PPM1B: variants seen among roughly 807,000 people sequenced by gnomAD.
PPM1B encodes the protein protein phosphatase 1B.
PPM1B carries 22 observed loss-of-function variants against 43.0 expected under a neutral mutation model. The observed-to-expected ratio is 0.51, with a 90% CI of 0.37 to 0.73. The LOEUF (loss-of-function observed/expected upper bound fraction) is 0.73. Among genes scored for constraint, PPM1B ranks in the 30% least tolerant of loss-of-function variants. The probability of loss-of-function intolerance (pLI) is 0.00; values close to 1 mark genes in which losing one functional copy is unlikely to be tolerated. For missense variants in PPM1B, 632 were observed against 584.2 expected (o/e 1.08, Z -0.84); for synonymous variants, 217 against 197.9 (o/e 1.10, Z -0.81).
chr2:44,213,966 T>A (rs1298037908), intron 3 of PPM1B, among the ~76,000 whole-genome samples: 1 of 152,212 alleles, frequency 6.6e-6, no homozygotes, highest in Non-Finnish European at 1.5e-5. Context: ...AGTTTTTATT[T>A]TAGGAAGAGC....
At chr2:44,225,012 T>A (rs564870518) in intron 5 of PPM1B, among the ~76,000 whole-genome samples, 1 of 152,292 alleles carries the variant, frequency 6.6e-6, no homozygotes, top group East Asian at 1.9e-4. Context: ...TTGATGTTAA[T>A]TATACCTGTG....
chr2:44,201,064 C>G lies in PPM1B; in HGVS notation c.-14-122C>G. On this transcript the variant is annotated intron_variant, in intron 1 of 5. Coordinates refer to ENST00000282412, the MANE Select transcript of PPM1B (RefSeq NM_002706.6). The surrounding 1 kb of genome is among the most constrained non-coding windows in gnomAD (Gnocchi z 5.4). ...ATTTCTTGGGCTTTTGTTGTTGCTC[C>G]CGTAAATTAGGATAATACTAAAAAA... is the stretch of plus-strand genomic sequence containing the variant. The G allele has an allele frequency of 9.5e-7, 1 of 1,058,160 alleles. No individual in the cohort carries two copies. Among genetic ancestry groups the G allele is most frequent in the Non-Finnish European group, 1.3e-6 (1 of 766,230 alleles). The allele number at this position is 1,058,160 out of a possible 1,614,324, so 65.5% of individuals were successfully genotyped here.
At chr2:44,195,742 G>T (rs549628961) in intron 1 of PPM1B, among the ~76,000 whole-genome samples, 1 of 152,310 alleles carries the variant, frequency 6.6e-6, no homozygotes, top group Admixed American at 6.5e-5. Flanking sequence ...TGGGGTCTAC[G>T]TTCCTTTGTC....
At chr2:44,207,313 A>G (rs1174999043) in intron 2 of PPM1B, among the ~76,000 whole-genome samples, 6 of 152,196 alleles carry the variant, frequency 3.9e-5, no homozygotes, top group African/African-American at 1.4e-4. Context: ...AAAAGACTAG[A>G]AAGGGTGTGG....
At chr2:44,181,096 C>T (rs1667852156) in intron 1 of PPM1B, among the ~76,000 whole-genome samples, 1 of 152,112 alleles carries the variant, frequency 6.6e-6, no homozygotes, top group Non-Finnish European at 1.5e-5. Flanking sequence ...GGATGTGTGT[C>T]ACCATACCTG....
chr2:44,172,654 C>T (rs1280325608), intron 1 of PPM1B, among the ~76,000 whole-genome samples: 1 of 152,180 alleles, frequency 6.6e-6, no homozygotes, highest in Non-Finnish European at 1.5e-5. Flanking sequence ...AGGCCGGGCA[C>T]AGTGGCTCAC....
downstream of PPM1B, chr2:44,234,565 G>T (rs1367528198): frequency 2.0e-6 from 2 of 985,372 alleles, no homozygotes; most frequent in East Asian, 1.1e-4. Context: ...AGGGGGCAGG[G>T]TGGGGGTTAC....
At position 44,229,943 on chromosome 2, in the gene PPM1B, A is replaced by G. The variant is rs751365171; in HGVS notation, c.1135-470A>G. ...GTAAAAACTCTAAAATCTTTCAAAA[A>G]TCTGTTTAAATCTATATAGTTTTAT... On this transcript the variant is annotated intron_variant, in intron 5 of 5. Transcript: ENST00000282412. 7.7e-6 allele frequency: 11 copies of G among 1,436,404 alleles called. No homozygotes were observed. The Admixed American group carries it at 2.8e-4, about 37-fold the overall frequency. 89.0% of individuals were successfully genotyped at this position (1,436,404 alleles called of 1,614,324 possible). A position where few individuals can be genotyped will look rare whatever the true frequency, so the allele number is the denominator to read the frequency against.
At chr2:44,197,542 T>C (rs1483747120) in intron 1 of PPM1B, among the ~76,000 whole-genome samples, 2 of 152,240 alleles carry the variant, frequency 1.3e-5, no homozygotes, top group African/African-American at 4.8e-5. Flanking sequence ...TAATTCTGTT[T>C]ATCTGTGTCA....
At chr2:44,225,616 C>T (rs1419875474) in intron 5 of PPM1B, among the ~76,000 whole-genome samples, 1 of 152,108 alleles carries the variant, frequency 6.6e-6, no homozygotes, top group Non-Finnish European at 1.5e-5. Flanking sequence ...AAATCCGTGT[C>T]TACTTGATTT....
At chr2:44,208,427 G>A (rs1437504629) in intron 2 of PPM1B, among the ~76,000 whole-genome samples, 1 of 151,964 alleles carries the variant, frequency 6.6e-6, no homozygotes, top group Non-Finnish European at 1.5e-5. Context: ...ATTAATAGTT[G>A]TGGGGCTGGG....
chr2:44,233,059 A>G (rs754565143), downstream of PPM1B: 310 of 981,730 alleles, frequency 3.2e-4, no homozygotes, highest in Non-Finnish European at 3.5e-4. Flanking sequence ...ATTTATGGCT[A>G]TTTATAATTT....
In PPM1B at chr2:44,201,318, A is replaced by G; in HGVS notation, c.119A>G (p.His40Arg). ...TGGAGAGTGGAAATGGAAGATGCAC[A>G]CACAGCTGTTGTAGGTATTCCTCAC... Reference protein sequence around the residue: ...QGWRVEMEDAHTAVVGIPHGL... With the variant: ...QGWRVEMEDARTAVVGIPHGL... The change falls in exon 2 of 6, where the codon CAC (histidine) becomes CGC (arginine). Residue 40 changes from histidine (H) to arginine (R), a missense_variant. Coordinates refer to ENST00000282412, the MANE Select transcript of PPM1B (RefSeq NM_002706.6). This position sits in a 1 kb window ranked among gnomAD's most constrained non-coding sequence, Gnocchi z 5.4. The G allele has an allele frequency of 3.1e-6, 5 of 1,614,208 alleles. No individual in the cohort carries two copies. The highest frequency in any genetic ancestry group is 4.2e-6 in the Non-Finnish European group (5 of 1,180,020).
At chr2:44,244,836 T>G (rs181479547), downstream of PPM1B, among the ~76,000 whole-genome samples, 10 of 147,462 alleles carry the variant, frequency 6.8e-5, no homozygotes, top group Admixed American at 3.4e-4. Context: ...TATATATATA[T>G]ATACACACAC....
intron 5 of PPM1B, among the ~76,000 whole-genome samples, chr2:44,239,695 T>C (rs940837120): frequency 4.6e-5 from 7 of 152,220 alleles, no homozygotes; most frequent in Admixed American, 4.6e-4. Context: ...TTTAGAAGTC[T>C]ACCTCCCAAG....
chr2:44,231,400 A>G lies in PPM1B; in HGVS notation c.*682A>G. ...AGCCTAACTACACACATCAAAATGT[A>G]TGTCAACCAAGTGTTTAGAATGAAA... On this transcript the variant is annotated 3_prime_UTR_variant, in exon 6 of 6. Coordinates refer to ENST00000282412, the MANE Select transcript of PPM1B (RefSeq NM_002706.6). The G allele has an allele frequency of 3.1e-6, 3 of 972,284 alleles. No individual in the cohort carries two copies. The highest frequency in any genetic ancestry group is 3.7e-6 in the Non-Finnish European group (3 of 817,992). The allele number at this position is 972,284 out of a possible 1,614,324, so 60.2% of individuals were successfully genotyped here. A position where few individuals can be genotyped will look rare whatever the true frequency, so the allele number is the denominator to read the frequency against.
downstream of PPM1B, among the ~76,000 whole-genome samples, chr2:44,236,525 A>G (rs529917425): frequency 3.1e-4 from 47 of 152,076 alleles, no homozygotes; most frequent in African/African-American, 1.0e-3. Flanking sequence ...TTTTAATAAC[A>G]GGAGAAATAA....
In PPM1B at chr2:44,202,092, G is replaced by A. The variant is rs771671960; in HGVS notation, c.846+47G>A. ...TAAAATAACATGTTAATTTTGAAAA[G>A]TTACGGTAGGTAAAGTTAAGCTAAC... On this transcript the variant is annotated intron_variant, in intron 2 of 5. Coordinates refer to ENST00000282412, the MANE Select transcript of PPM1B (RefSeq NM_002706.6). 6.9e-6 allele frequency: 10 copies of A among 1,449,264 alleles called. No individual in the cohort carries two copies. In the African/African-American group the frequency reaches 1.3e-4, roughly 19 times the overall value. The allele number at this position is 1,449,264 out of a possible 1,614,324, so 89.8% of individuals were successfully genotyped here. A position where few individuals can be genotyped will look rare whatever the true frequency, so the allele number is the denominator to read the frequency against.
At chr2:44,195,873 G>A (rs1668638542) in intron 1 of PPM1B, among the ~76,000 whole-genome samples, 1 of 152,112 alleles carries the variant, frequency 6.6e-6, no homozygotes, top group Admixed American at 6.5e-5. Context: ...CATGTAAGAA[G>A]CCTGACCGTG....
Sources: gnomAD v4.1 joint callset for allele counts (sites outside exome capture counted in the v4.1 genomes callset) on GRCh38, gnomAD v4.1.1 for gene constraint, Gnocchi (gnomAD v3.1) non-coding constraint, MANE v1.5 for transcripts, NCBI Gene and HGNC (gene_info 2026-07-23, HGNC 2026-07-21) for gene names.